The following NECTIN1 variants were observed in gnomAD, a reference collection of about 807,000 sequenced individuals.
The protein encoded by NECTIN1 is nectin cell adhesion molecule 1.
Under a neutral mutation model 48.0 loss-of-function variants are expected in NECTIN1, and 23 were observed. The observed-to-expected ratio is 0.48, with a 90% CI of 0.34 to 0.68. The LOEUF (loss-of-function observed/expected upper bound fraction) is 0.68, where lower values mean the gene tolerates loss of function less well. NECTIN1 is among the 30% of genes least tolerant of loss of function. The pLI is 0.01. For missense variants in NECTIN1, 591 were observed against 709.9 expected (o/e 0.83, Z 1.90); for synonymous variants, 270 against 288.9 (o/e 0.93, Z 0.66).
At chr11:119,689,023 C>T (rs556069199) in intron 1 of NECTIN1, among the ~76,000 whole-genome samples, 65 of 152,092 alleles carry the variant, frequency 4.3e-4, no homozygotes, top group African/African-American at 1.4e-3. Context: ...GTAGGGGCTG[C>T]GCTAGGTTTC....
chr11:119,651,214 C>T (rs910762994), intron 5 of NECTIN1, among the ~76,000 whole-genome samples: 1 of 152,180 alleles, frequency 6.6e-6, no homozygotes, highest in African/African-American at 2.4e-5. Context: ...CCTTCCCAGT[C>T]AGGGAACTTT....
chr11:119,643,307 C>T (rs1192873555), intron 5 of NECTIN1, among the ~76,000 whole-genome samples: 1 of 152,222 alleles, frequency 6.6e-6, no homozygotes, highest in African/African-American at 2.4e-5. Flanking sequence ...GCATGCAAGG[C>T]ACTGTGCCAG....
At chr11:119,707,334 C>T (rs974867346) in intron 1 of NECTIN1, among the ~76,000 whole-genome samples, 5 of 152,164 alleles carry the variant, frequency 3.3e-5, no homozygotes, top group Non-Finnish European at 5.9e-5. Context: ...TTTGCACAAG[C>T]GGTTCTGTCT....
chr11:119,678,470 C>T lies in NECTIN1; in HGVS notation c.375G>A (p.Glu125=), dbSNP rs146919951. Residue 125 remains glutamate, a synonymous_variant, in exon 2 of 6, where the codon GAG becomes GAA. Coordinates refer to ENST00000264025, the MANE Select transcript of NECTIN1 (RefSeq NM_002855.5). This position sits in a 1 kb window ranked among gnomAD's most constrained non-coding sequence, Gnocchi z 4.4. ...ELEDEGVYIC[E]FATFPTGNRE... Reference sequence around the variant, plus strand: ...GATTGCCCGTAGGGAAGGTAGCAAACTCGCAGATGTAGACACCCTCATCCT... The same window carrying T: ...GATTGCCCGTAGGGAAGGTAGCAAATTCGCAGATGTAGACACCCTCATCCT... 865 of 1,614,154 alleles carry T rather than the reference C, an allele frequency of 5.4e-4. No homozygotes were observed. The highest frequency in any genetic ancestry group is 7.0e-4 in the Non-Finnish European group (824 of 1,180,056).
intron 1 of NECTIN1, among the ~76,000 whole-genome samples, chr11:119,681,953 A>T (rs1050393235): frequency 1.3e-5 from 2 of 152,128 alleles, no homozygotes; most frequent in Non-Finnish European, 2.9e-5. Context: ...GGTGAGCATA[A>T]GGGAGCTCTT....
rs940220600 is a variant in NECTIN1, at chr11:119,665,632, T to C, written c.1004-335A>G. Among the ~76,000 whole-genome samples the C allele has an allele frequency of 2.0e-5, 3 of 152,164 alleles. 1 individual carries two copies. The South Asian group carries it at 6.2e-4, about 32-fold the overall frequency. ...GTGAGACACGTGTGCCAGTTCCAGC[T>C]GCAGCACACTGCCCACTCCATGCCA... On this transcript the variant is annotated intron_variant, in intron 5 of 5. Coordinates refer to ENST00000264025, the MANE Select transcript of NECTIN1 (RefSeq NM_002855.5). The surrounding 1 kb of genome is among the most constrained non-coding windows in gnomAD (Gnocchi z 5.1).
chr11:119,671,219 A>G (rs1174075815), intron 5 of NECTIN1, among the ~76,000 whole-genome samples: 1 of 149,316 alleles, frequency 6.7e-6, no homozygotes, highest in African/African-American at 2.6e-5. Flanking sequence ...ACACTCAGCC[A>G]GTAGCTCCTG....
intron 1 of NECTIN1, among the ~76,000 whole-genome samples, chr11:119,704,925 G>A (rs1197466819): frequency 6.6e-6 from 1 of 152,230 alleles, no homozygotes; most frequent in Non-Finnish European, 1.5e-5. Context: ...TACATGTGGT[G>A]TTATTTTCAA....
In NECTIN1 at chr11:119,677,366, G is replaced by C. The variant is rs778509944; in HGVS notation, c.734-147C>G. 1 of 1,019,676 alleles carries C rather than the reference G, an allele frequency of 9.8e-7. No homozygotes were observed. The highest frequency in any genetic ancestry group is 1.8e-5 in the Admixed American group (1 of 54,772). The allele number at this position is 1,019,676 out of a possible 1,614,324, so 63.2% of individuals were successfully genotyped here. A position where few individuals can be genotyped will look rare whatever the true frequency, so the allele number is the denominator to read the frequency against. ...TGTGGGTGGGAGGGTGGCAATCACAGAGCCCGGGAGTGGAAACAGGAGGGC... is the reference window on the plus strand; with the variant it reads ...TGTGGGTGGGAGGGTGGCAATCACACAGCCCGGGAGTGGAAACAGGAGGGC... On this transcript the variant is annotated intron_variant, in intron 3 of 5. Coordinates refer to ENST00000264025, the MANE Select transcript of NECTIN1 (RefSeq NM_002855.5). The surrounding 1 kb of genome is among the most constrained non-coding windows in gnomAD (Gnocchi z 5.4).
Position 119,663,257 on chromosome 11 carries a change from C to A in NECTIN1, c.*1490G>T. 2 of 985,580 alleles carry A rather than the reference C, an allele frequency of 2.0e-6. No homozygotes were observed. Among genetic ancestry groups the A allele is most frequent in the Non-Finnish European group, 2.4e-6 (2 of 830,034 alleles). 61.1% of individuals were successfully genotyped at this position (985,580 alleles called of 1,614,324 possible). On this transcript the variant is annotated 3_prime_UTR_variant, in exon 6 of 6. Transcript: ENST00000264025. The stretch of plus-strand genomic sequence containing the variant: ...ATGCCTGTCTAGAGTGCCAGGGGAT[C>A]TGGGAGCAGATGGAGGAACTGAGGC...
intron 4 of NECTIN1, among the ~76,000 whole-genome samples, chr11:119,676,105 C>CA (rs1361536800): frequency 6.6e-6 from 1 of 152,124 alleles, no homozygotes; most frequent in African/African-American, 2.4e-5. Context: ...CTGTATTTGA[C>CA]AAGCCACTCA....
At position 119,677,190 on chromosome 11, in the gene NECTIN1, C is replaced by A; in HGVS notation, c.763G>T (p.Asp255Tyr). Residue 255 changes from aspartate (D) to tyrosine (Y), a missense_variant, in exon 4 of 6, where the codon GAT (aspartate) becomes TAT (tyrosine). Coordinates refer to ENST00000264025, the MANE Select transcript of NECTIN1 (RefSeq NM_002855.5). This position sits in a 1 kb window ranked among gnomAD's most constrained non-coding sequence, Gnocchi z 5.4. ...ATCCGCTGCAGGTACCAGTTGCCAT[C>A]AAACCCCTCAATGGTTACCTCAGGC... ...YEPEVTIEGF[D>Y]GNWYLQRMDV... is the part of the protein sequence containing the mutation. 1 of 1,614,142 alleles carries A rather than the reference C, an allele frequency of 6.2e-7. No individual in the cohort carries two copies. The highest frequency in any genetic ancestry group is 8.5e-7 in the Non-Finnish European group (1 of 1,180,020).
At chr11:119,676,735 A>G (rs1474808048) in intron 4 of NECTIN1, 1 of 352,352 alleles carries the variant, frequency 2.8e-6, no homozygotes, top group African/African-American at 2.1e-5. Flanking sequence ...GCTCCAGAAC[A>G]CTGGCTTCCC....
In NECTIN1 at chr11:119,664,694, T is replaced by TGGGGGGGGG; in HGVS notation, c.*52_*53insCCCCCCCCC. 4.1e-6 allele frequency: 3 copies of TGGGGGGGGG among 727,340 alleles called. No homozygotes were observed. The highest frequency in any genetic ancestry group is 6.2e-6 in the Non-Finnish European group (3 of 485,474). 45.1% of individuals were successfully genotyped at this position (727,340 alleles called of 1,614,324 possible). On this transcript the variant is annotated 3_prime_UTR_variant, in exon 6 of 6. Coordinates refer to ENST00000264025, the MANE Select transcript of NECTIN1 (RefSeq NM_002855.5). ...GGAGGTGGGGGGTGGGCAGGGGGCG[T>TGGGGGGGGG]GCGGGGAGGGGCTGGGGAGGAGCGG...
At position 119,729,006 on chromosome 11, in the gene NECTIN1, C is replaced by T. The variant is rs1430896297; in HGVS notation, c.-453G>A. The T allele has an allele frequency of 6.6e-6, 1 of 151,668 alleles. No homozygotes were observed. The highest frequency in any genetic ancestry group is 6.6e-5 in the Admixed American group (1 of 15,148). The allele number at this position is 151,668 out of a possible 1,614,324, so 9.4% of individuals were successfully genotyped here. On this transcript the variant is annotated 5_prime_UTR_variant, in exon 1 of 6. Transcript: ENST00000264025. ...GTCCTCCGAGGGTGGCGGGACGCAC[C>T]CGGGCGGCGCAGAAGGCTCGGGGCC...
At chr11:119,692,985 G>T (rs1056364154) in intron 1 of NECTIN1, among the ~76,000 whole-genome samples, 1 of 152,178 alleles carries the variant, frequency 6.6e-6, no homozygotes, top group African/African-American at 2.4e-5. Flanking sequence ...TTGTAGAGAG[G>T]GCAGGCACCA....
At chr11:119,670,677 C>T (rs1026950380) in intron 5 of NECTIN1, among the ~76,000 whole-genome samples, 2 of 119,672 alleles carry the variant, frequency 1.7e-5, no homozygotes, top group African/African-American at 6.5e-5. Context: ...GACAGAGTCT[C>T]GCTCCATCGC....
At chr11:119,640,252 G>A in intron 5 of NECTIN1, 1 of 568,276 alleles carries the variant, frequency 1.8e-6, no homozygotes. Flanking sequence ...CTGGGATCTG[G>A]GGCATGGAGG....
intron 1 of NECTIN1, among the ~76,000 whole-genome samples, chr11:119,716,333 G>A (rs1414000971): frequency 6.6e-6 from 1 of 152,074 alleles, no homozygotes; most frequent in Non-Finnish European, 1.5e-5. Context: ...TCTCCAGACT[G>A]GGAGTCCCTC....
Sources: allele counts gnomAD v4.1 joint callset (sites outside exome capture counted in the v4.1 genomes callset), GRCh38; gene constraint gnomAD v4.1.1; non-coding constraint Gnocchi (gnomAD v3.1); transcripts MANE v1.5; gene names NCBI Gene and HGNC (gene_info 2026-07-23, HGNC 2026-07-21).